The following CCSER1 variants were observed in gnomAD, a reference collection of about 807,000 sequenced individuals.
CCSER1 encodes the protein serine-rich coiled-coil domain-containing protein 1.
A neutral mutation model predicts 82.0 loss-of-function variants in CCSER1; 41 were observed. That is an observed-to-expected ratio of 0.50 (90% CI 0.39 to 0.65). The LOEUF (loss-of-function observed/expected upper bound fraction) is 0.65, where lower values mean the gene tolerates loss of function less well. CCSER1 is among the 30% of genes least tolerant of loss of function. The pLI, the probability that CCSER1 is intolerant of heterozygous loss-of-function variation, is 0.00. For missense variants in CCSER1, 1,119 were observed against 1,064.2 expected, an observed-to-expected ratio of 1.05 and a Z score of -0.72; for synonymous variants, 414 against 383.9, an observed-to-expected ratio of 1.08 and a Z score of -0.92.
At chr4:90,281,548 GT>G (rs753894834) in intron 1 of CCSER1, among the ~76,000 whole-genome samples, 17 of 152,064 alleles carry the variant, frequency 1.1e-4, no homozygotes, top group Non-Finnish European at 2.4e-4. Context: ...GTGGATTTGA[GT>G]TATATAGTTT....
At chr4:90,800,814 A>T (rs115948240) in intron 7 of CCSER1, among the ~76,000 whole-genome samples, 1 of 152,222 alleles carries the variant, frequency 6.6e-6, no homozygotes, top group African/African-American at 2.4e-5. Flanking sequence ...ATTCTTCTAC[A>T]TGCAAAATAC....
intron 9 of CCSER1, among the ~76,000 whole-genome samples, chr4:91,021,772 C>G (rs1224249427): frequency 6.6e-6 from 1 of 152,064 alleles, no homozygotes; most frequent in Non-Finnish European, 1.5e-5. Flanking sequence ...TCACAACTGG[C>G]AGGAACAGTG....
At chr4:91,196,587 A>G (rs1409976727) in intron 10 of CCSER1, among the ~76,000 whole-genome samples, 1 of 152,240 alleles carries the variant, frequency 6.6e-6, no homozygotes, top group Non-Finnish European at 1.5e-5. Flanking sequence ...TGTATTAGGC[A>G]TTACTGTAAG....
chr4:90,590,441 G>A (rs1457721780), intron 5 of CCSER1, among the ~76,000 whole-genome samples: 1 of 152,120 alleles, frequency 6.6e-6, no homozygotes, highest in Non-Finnish European at 1.5e-5. Context: ...TTAGCTGGGT[G>A]TGGTGGCGTG....
chr4:91,341,634 C>T (rs1036092776), intron 10 of CCSER1, among the ~76,000 whole-genome samples: 4 of 152,118 alleles, frequency 2.6e-5, no homozygotes, highest in African/African-American at 9.7e-5. Context: ...TCACTGCCTC[C>T]AGGTTCAAGC....
intron 10 of CCSER1, among the ~76,000 whole-genome samples, chr4:91,339,612 C>A (rs955221695): frequency 6.6e-6 from 1 of 152,068 alleles, no homozygotes; most frequent in Non-Finnish European, 1.5e-5. Flanking sequence ...CATTCTACAT[C>A]CTCTCAGATT....
intron 7 of CCSER1, among the ~76,000 whole-genome samples, chr4:90,804,350 T>A (rs1333056504): frequency 2.4e-4 from 36 of 152,302 alleles, no homozygotes. Context: ...TCCTAGGTTT[T>A]ACGTTTAAGT....
rs1354333855 is a variant in CCSER1, at chr4:91,058,739, T to A, written c.2173-27211T>A. Among the ~76,000 whole-genome samples, 7 of 152,066 alleles carry A rather than the reference T, an allele frequency of 4.6e-5. No individual in the cohort carries two copies. In the East Asian group the frequency reaches 1.3e-3, roughly 29 times the overall value. On this transcript the variant is annotated intron_variant, in intron 9 of 10. Coordinates refer to ENST00000509176, the MANE Select transcript of CCSER1 (RefSeq NM_001145065.2). ...GAATCCCTAAACTTATATTATTTTA[T>A]GAAAAACTTTAAAGTTTGATTTTTT...
intron 10 of CCSER1, among the ~76,000 whole-genome samples, chr4:91,315,005 G>T (rs929242899): frequency 6.6e-6 from 1 of 151,966 alleles, no homozygotes; most frequent in Non-Finnish European, 1.5e-5. Context: ...TGGGCAACTA[G>T]AGTTTAGTCC....
intron 8 of CCSER1, among the ~76,000 whole-genome samples, chr4:90,840,194 A>G (rs1304509731): frequency 6.6e-6 from 1 of 152,134 alleles, no homozygotes; most frequent in African/African-American, 2.4e-5. Flanking sequence ...TTTAGTAGAG[A>G]GAAAAATTTT....
At chr4:91,317,765 C>CA (rs1169924961) in intron 10 of CCSER1, among the ~76,000 whole-genome samples, 1 of 151,864 alleles carries the variant, frequency 6.6e-6, no homozygotes, top group Non-Finnish European at 1.5e-5. Flanking sequence ...GCCCACTTGA[C>CA]ACGATGCTTT....
At chr4:91,464,580 C>T (rs1231184587) in intron 10 of CCSER1, among the ~76,000 whole-genome samples, 1 of 152,124 alleles carries the variant, frequency 6.6e-6, no homozygotes, top group African/African-American at 2.4e-5. Flanking sequence ...AGAATCAAGA[C>T]CCATCACTGT....
At chr4:90,646,551 C>G (rs536289132) in intron 6 of CCSER1, among the ~76,000 whole-genome samples, 1 of 152,268 alleles carries the variant, frequency 6.6e-6, no homozygotes, top group African/African-American at 2.4e-5. Context: ...CAAAAAAATA[C>G]CAGGATGCAT....
intron 7 of CCSER1, among the ~76,000 whole-genome samples, chr4:90,738,753 C>T (rs768177064): frequency 1.3e-5 from 2 of 152,162 alleles, no homozygotes; most frequent in African/African-American, 2.4e-5. Flanking sequence ...GCCAACACTA[C>T]CCCAGGCCTA....
At chr4:90,474,464 G>C (rs1764800444) in intron 5 of CCSER1, among the ~76,000 whole-genome samples, 1 of 152,178 alleles carries the variant, frequency 6.6e-6, no homozygotes, top group African/African-American at 2.4e-5. Flanking sequence ...GTTTGTTATA[G>C]AGAACGAATT....
intron 1 of CCSER1, among the ~76,000 whole-genome samples, chr4:90,137,074 G>C (rs1723827254): frequency 6.6e-6 from 1 of 152,104 alleles, no homozygotes; most frequent in African/African-American, 2.4e-5. Flanking sequence ...GACTTTTTCA[G>C]CTAGTAATAT....
At chr4:91,413,172 G>C (rs1382039146) in intron 10 of CCSER1, among the ~76,000 whole-genome samples, 1 of 152,112 alleles carries the variant, frequency 6.6e-6, no homozygotes, top group Admixed American at 6.6e-5. Flanking sequence ...GCCAGGCATG[G>C]TAGCTCACTC....
At chr4:91,126,039 A>G (rs1454990398) in intron 10 of CCSER1, among the ~76,000 whole-genome samples, 2 of 151,660 alleles carry the variant, frequency 1.3e-5, no homozygotes, top group African/African-American at 2.4e-5. Context: ...CATTGTTATT[A>G]CTCACAGGGG....
chr4:90,987,839 A>G lies in CCSER1; in HGVS notation c.2172+64392A>G, dbSNP rs536276651. The stretch of plus-strand genomic sequence containing the variant: ...TAATAAGTACTGCTGTAACAAAATC[A>G]TATTATTAAATAGAGTAAAATTTAT... On this transcript the variant is annotated intron_variant, in intron 9 of 10. Transcript: ENST00000509176. Among the ~76,000 whole-genome samples, 46 of 151,920 alleles carry G rather than the reference A, an allele frequency of 3.0e-4. 1 individual carries two copies. In the South Asian group the frequency reaches 9.3e-3, roughly 31 times the overall value.
Sources: allele counts gnomAD v4.1 joint callset (sites outside exome capture counted in the v4.1 genomes callset), GRCh38; gene constraint gnomAD v4.1.1; transcripts MANE v1.5; gene names NCBI Gene and HGNC (gene_info 2026-07-23, HGNC 2026-07-21).